Variants in CXXC1 observed in about 807,000 individuals in gnomAD.
CXXC1 encodes CXXC-type zinc finger protein 1.
In CXXC1, 21 loss-of-function variants were observed where a neutral mutation model predicts 83.6. The observed-to-expected ratio is 0.25, with a 90% CI of 0.18 to 0.36. The LOEUF (loss-of-function observed/expected upper bound fraction) is 0.36. Among genes scored for constraint, CXXC1 ranks in the 10% least tolerant of loss-of-function variants. CXXC1 has a pLI of 1.00. For synonymous variants in CXXC1, 371 were observed against 337.5 expected (o/e 1.10, Z -1.09); for missense variants, 688 against 919.5 (o/e 0.75, Z 3.26).
chr18:50,286,830 G>A lies in CXXC1; in HGVS notation c.32C>T (p.Pro11Leu). 1 of 1,613,812 alleles carries A rather than the reference G, an allele frequency of 6.2e-7. No individual in the cohort carries two copies. Among genetic ancestry groups the A allele is most frequent in the Non-Finnish European group, 8.5e-7 (1 of 1,179,814 alleles). Reference protein sequence around the residue: MEGDGSDPEPPDAGEDSKSEN... With the variant: MEGDGSDPEPLDAGEDSKSEN... ...GGACTTGCTGTCCTCCCCGGCATCTGGAGGCTCTGGGTCTGAACCATCTCC... is the reference window on the plus strand; with the variant it reads ...GGACTTGCTGTCCTCCCCGGCATCTAGAGGCTCTGGGTCTGAACCATCTCC... Residue 11 changes from proline to leucine, a missense_variant, in exon 2 of 15, where the codon CCA (proline) becomes CTA (leucine). Pro to Leu is a moderately conservative substitution (Grantham distance 98). This residue lies in a region of CXXC1 where 51 missense variants were observed against 48.0 expected (regional missense o/e 1.06). Transcript: ENST00000285106.
chr18:50,284,726 C>T lies in CXXC1; in HGVS notation c.1020+6G>A, dbSNP rs776642766. ...CTTTCCACATCCACTTTACCCTCTC[C>T]ATCACCTTCTTCTCAGACTTCTTCT... On this transcript the variant is annotated splice_donor_region_variant and intron_variant, in intron 8 of 14. Transcript: ENST00000285106. 54 of 1,613,030 alleles carry T rather than the reference C, an allele frequency of 3.3e-5. No homozygotes were observed. Among genetic ancestry groups the T allele is most frequent in the Non-Finnish European group, 4.5e-5 (53 of 1,179,548 alleles).
intron 13 of CXXC1, 47 bp from the exon 14 acceptor site, chr18:50,283,053 A>G: frequency 6.2e-7 from 1 of 1,602,028 alleles, no homozygotes; most frequent in Non-Finnish European, 8.5e-7. Flanking sequence ...GATAAGGGAG[A>G]ATAGGAATGG....
chr18:50,287,161 G>A (rs946562093), intron 1 of CXXC1: 2 of 516,758 alleles, frequency 3.9e-6, no homozygotes, highest in African/African-American at 3.8e-5. Context: ...AACTCACTGC[G>A]GACTTCCCAT....
chr18:50,284,106 A>G lies in CXXC1; in HGVS notation c.1206-5T>C, dbSNP rs1420574440. On this transcript the variant is annotated splice_polypyrimidine_tract_variant and splice_region_variant and intron_variant, in intron 9 of 14. Transcript: ENST00000285106. The stretch of plus-strand genomic sequence containing the variant: ...GGGAGGATCTCGTAGATGCGGCTGC[A>G]GGGAAGGTAGCAAGCAACAGAATGA... The G allele has an allele frequency of 6.2e-7, 1 of 1,601,406 alleles. No homozygotes were observed. The highest frequency in any genetic ancestry group is 8.5e-7 in the Non-Finnish European group (1 of 1,176,110).
rs766269244 is a variant in CXXC1, at chr18:50,285,393, T to C, written c.640-42A>G. ...AAGGCCCAGGTCAGCCCCAGGTGGA[T>C]GGAGGGCGGCCTTGCCCTAGCCCTA... is the stretch of plus-strand genomic sequence containing the variant. On this transcript the variant is annotated intron_variant, in intron 5 of 14. Transcript: ENST00000285106. The surrounding 1 kb of genome is among the most constrained non-coding windows in gnomAD (Gnocchi z 4.4). 3.0e-5 allele frequency: 46 copies of C among 1,558,978 alleles called. No homozygotes were observed. The highest frequency in any genetic ancestry group is 3.8e-5 in the Non-Finnish European group (44 of 1,152,452).
Position 50,285,498 on chromosome 18 carries a change from C to A in CXXC1, c.640-147G>T. 5 of 1,102,058 alleles carry A rather than the reference C, an allele frequency of 4.5e-6. No individual in the cohort carries two copies. The highest frequency in any genetic ancestry group is 6.4e-6 in the Non-Finnish European group (5 of 779,984). The allele number at this position is 1,102,058 out of a possible 1,614,324, so 68.3% of individuals were successfully genotyped here. ...CCAGGAATGCTCAGCCCTGCCTGAT[C>A]TGTACCAACATGCATGACCACCTGA... On this transcript the variant is annotated intron_variant, in intron 5 of 14. Transcript: ENST00000285106. This position sits in a 1 kb window ranked among gnomAD's most constrained non-coding sequence, Gnocchi z 4.4.
rs747843635 is a variant in CXXC1, at chr18:50,286,150, T to C, written c.331A>G (p.Arg111Gly). 1 of 1,613,992 alleles carries C rather than the reference T, an allele frequency of 6.2e-7. No individual in the cohort carries two copies. Among genetic ancestry groups the C allele is most frequent in the Non-Finnish European group, 8.5e-7 (1 of 1,179,980 alleles). Residue 111 changes from arginine to glycine, a missense_variant, in exon 4 of 15, where the codon AGG (arginine) becomes GGG (glycine). By Grantham distance (125) the Arg-to-Gly change is moderately radical. Coordinates refer to ENST00000285106, the MANE Select transcript of CXXC1 (RefSeq NM_014593.4). Reference sequence around the variant, plus strand: ...TGCAGGTCTGGATCAGGGACAGGCCTCTTGCGCCCTCCACCCTCATCCCGG... The same window carrying C: ...TGCAGGTCTGGATCAGGGACAGGCCCCTTGCGCCCTCCACCCTCATCCCGG... ...EPRDEGGGRK[R>G]PVPDPDLQRR...
At position 50,283,501 on chromosome 18, in the gene CXXC1, G is replaced by C; in HGVS notation, c.1574+14C>G. 1.2e-6 allele frequency: 2 copies of C among 1,612,190 alleles called. No individual in the cohort carries two copies. The highest frequency in any genetic ancestry group is 1.7e-6 in the Non-Finnish European group (2 of 1,179,246). On this transcript the variant is annotated intron_variant, in intron 12 of 14. Coordinates refer to ENST00000285106, the MANE Select transcript of CXXC1 (RefSeq NM_014593.4). ...TTAACCCCCCACCTCTCACTGCGTG[G>C]CACCCTCACTTACCCTTCAATGCGT...
At position 50,282,866 on chromosome 18, in the gene CXXC1, C is replaced by T; in HGVS notation, c.1812G>A (p.Glu604=). 1 of 1,614,202 alleles carries T rather than the reference C, an allele frequency of 6.2e-7. No individual in the cohort carries two copies. The highest frequency in any genetic ancestry group is 2.2e-5 in the East Asian group (1 of 44,882). Residue 604 remains glutamate (E), a synonymous_variant, in exon 14 of 15, where the codon GAG becomes GAA. Coordinates refer to ENST00000285106, the MANE Select transcript of CXXC1 (RefSeq NM_014593.4). This position sits in a 1 kb window ranked among gnomAD's most constrained non-coding sequence, Gnocchi z 5.8. ...EKLRRAEVDL[E]RVRVWYKLDE... ...CACAGAAACCTACCACACGCACGCG[C>T]TCCAAGTCCACTTCCGCACGCCGCA...
Position 50,285,143 on chromosome 18 carries a change from A to T in CXXC1, c.771T>A (p.Asp257Glu). Residue 257 changes from aspartate (D) to glutamate (E), a missense_variant, in exon 7 of 15, where the codon GAT becomes GAA. Around this residue, in one of 9 missense-constraint regions of CXXC1, gnomAD observed 190 missense variants for 199.7 expected, o/e 0.95. Coordinates refer to ENST00000285106, the MANE Select transcript of CXXC1 (RefSeq NM_014593.4). The surrounding 1 kb of genome is among the most constrained non-coding windows in gnomAD (Gnocchi z 4.4). ...CTGTTGATGACGCCACTGCCCCCTC[A>T]TCTTCACGGATGCGCCCTAACTTCT... ...PSQKLGRIRE[D>E]EGAVASSTVK... The T allele has an allele frequency of 6.2e-7, 1 of 1,614,070 alleles. No homozygotes were observed. Among genetic ancestry groups the T allele is most frequent in the Non-Finnish European group, 8.5e-7 (1 of 1,179,992 alleles).
chr18:50,286,191 C>G lies in CXXC1; in HGVS notation c.290G>C (p.Arg97Pro). The change falls in exon 4 of 15, where the codon CGG becomes CCG. Residue 97 changes from arginine to proline, a missense_variant. Arg to Pro is a moderately radical substitution (Grantham distance 103). Around this residue, in one of 9 missense-constraint regions of CXXC1, gnomAD observed 142 missense variants for 150.7 expected, o/e 0.94. Transcript: ENST00000285106. ...KKSRERDGNE[R>P]DSSEPRDEGG... ...CTCATCCCGGGGCTCACTGCTGTCC[C>G]GCTCATTGCCATCCCGCTCCCGTGA... The G allele has an allele frequency of 1.2e-6, 2 of 1,613,728 alleles. No individual in the cohort carries two copies. The highest frequency in any genetic ancestry group is 2.2e-5 in the East Asian group (1 of 44,876).
intron 1 of CXXC1, 106 bp from the exon 2 acceptor site, chr18:50,286,964 G>T: frequency 3.6e-6 from 3 of 824,786 alleles, no homozygotes; most frequent in Non-Finnish European, 6.1e-6. Flanking sequence ...TCTGCCTGCA[G>T]ATTTCACATC....
intron 3 of CXXC1, 81 bp downstream of exon 3, chr18:50,286,458 T>G: frequency 8.1e-7 from 1 of 1,234,012 alleles, no homozygotes; most frequent in Non-Finnish European, 1.2e-6. Flanking sequence ...CGTGTATCAC[T>G]AATCCCCATA....
rs779048109 is a variant in CXXC1 at position 50,282,758 on chromosome 18, G to A, written c.1825-19C>T. 1.2e-6 allele frequency: 2 copies of A among 1,613,470 alleles called. No homozygotes were observed. The highest frequency in any genetic ancestry group is 1.7e-5 in the Admixed American group (1 of 60,008). On this transcript the variant is annotated intron_variant, in intron 14 of 14. Transcript: ENST00000285106. This position sits in a 1 kb window ranked among gnomAD's most constrained non-coding sequence, Gnocchi z 5.8. ...TGTACCACTGCCAAGGGAGCGGCAG[G>A]AGTCCTAAGCAGGAACACCTGCAGC... is the stretch of plus-strand genomic sequence containing the variant.
chr18:50,287,363 G>T (rs550446941), intron 1 of CXXC1: 1 of 560,316 alleles, frequency 1.8e-6, no homozygotes, highest in African/African-American at 1.9e-5. Context: ...GGTTTCCCAC[G>T]GAACTGCCAC....
Position 50,282,711 on chromosome 18 carries a change from T to A in CXXC1, c.1853A>T (p.Gln618Leu). ...CATGGCTGTGCGCACATTGCGCTCCTGCTCAAACAGCTCGTCCAGCTTGTA... is the reference window on the plus strand; with the variant it reads ...CATGGCTGTGCGCACATTGCGCTCCAGCTCAAACAGCTCGTCCAGCTTGTA... Reference protein sequence around the residue: ...VWYKLDELFEQERNVRTAMTN... With the variant: ...VWYKLDELFELERNVRTAMTN... Residue 618 changes from glutamine to leucine, a missense_variant, in exon 15 of 15, where the codon CAG becomes CTG. This residue lies in a region of CXXC1 where 114 missense variants were observed against 173.3 expected (regional missense o/e 0.66). Coordinates refer to ENST00000285106, the MANE Select transcript of CXXC1 (RefSeq NM_014593.4). The surrounding 1 kb of genome is among the most constrained non-coding windows in gnomAD (Gnocchi z 5.8). 6.2e-7 allele frequency: 1 copy of A among 1,613,974 alleles called. No individual in the cohort carries two copies. Among genetic ancestry groups the A allele is most frequent in the Non-Finnish European group, 8.5e-7 (1 of 1,180,024 alleles).
intron 13 of CXXC1, 102 bp from the exon 14 acceptor site, chr18:50,283,108 G>T: frequency 7.2e-7 from 1 of 1,393,964 alleles, no homozygotes. Context: ...TTCAGGGAAC[G>T]GTGAGGAGGC....
At position 50,284,001 on chromosome 18, in the gene CXXC1, C is replaced by T. The variant is rs1254861363; in HGVS notation, c.1306G>A (p.Glu436Lys). ...AGGCGAGTGCGGGCACTCTGCTGCTCTCGGCGAATGCGTTCGAGCAGCTTC... is the reference window on the plus strand; with the variant it reads ...AGGCGAGTGCGGGCACTCTGCTGCTTTCGGCGAATGCGTTCGAGCAGCTTC... ...GKKLLERIRR[E>K]QQSARTRLQE... Residue 436 changes from glutamate (E) to lysine (K), a missense_variant, in exon 10 of 15, where the codon GAG becomes AAG. Glu to Lys is a moderately conservative substitution (Grantham distance 56, BLOSUM62 1). Around this residue, in one of 9 missense-constraint regions of CXXC1, gnomAD observed 100 missense variants for 142.5 expected, o/e 0.70. Transcript: ENST00000285106. The T allele has an allele frequency of 6.2e-7, 1 of 1,613,314 alleles. No individual in the cohort carries two copies. Among genetic ancestry groups the T allele is most frequent in the Admixed American group, 1.7e-5 (1 of 60,022 alleles).
rs774617005 is a variant in CXXC1, at chr18:50,287,539, AACCG to A, written c.3+44_3+47del. ...TCGGCCGACAGACCCCACTGTTGCC[AACCG>A]ACCGACCTCCACCGCCGAACCCCTC... On this transcript the variant is annotated intron_variant, in intron 1 of 14. Coordinates refer to ENST00000285106, the MANE Select transcript of CXXC1 (RefSeq NM_014593.4). 5 of 1,609,842 alleles carry A rather than the reference AACCG, an allele frequency of 3.1e-6. No homozygotes were observed. The African/African-American group carries it at 6.7e-5, about 22-fold the overall frequency.
Sources: allele counts gnomAD v4.1 joint callset, GRCh38; gene constraint gnomAD v4.1.1; regional missense constraint gnomAD v4.1.1; non-coding constraint Gnocchi (gnomAD v3.1); transcripts MANE v1.5; gene names NCBI Gene and HGNC (gene_info 2026-07-23, HGNC 2026-07-21).